NLGN4Y: variants seen among roughly 807,000 people sequenced by gnomAD.
NLGN4Y encodes the protein neuroligin 4 Y-linked.
NLGN4Y carries 4 observed loss-of-function variants against 8.4 expected under a neutral mutation model. That is an observed-to-expected ratio of 0.48 (90% CI 0.23 to 1.09). The LOEUF is 1.09. NLGN4Y is among the 50% of genes least tolerant of loss of function. The pLI is 0.19. For missense variants in NLGN4Y, 90 were observed against 192.3 expected, an observed-to-expected ratio of 0.47 and a Z score of 3.15; for synonymous variants, 35 against 75.6, an observed-to-expected ratio of 0.46 and a Z score of 2.78.
intron 2 of NLGN4Y, among the ~76,000 whole-genome samples, chrY:14,650,027 G>A (rs2080623895): frequency 3.0e-5 from 1 of 33,751 alleles, no homozygotes; most frequent in Admixed American, 2.7e-4. Flanking sequence ...AGAAGATAAT[G>A]ATAGGTTAGC....
At chrY:14,804,232 A>T (rs911196827) in intron 4 of NLGN4Y, among the ~76,000 whole-genome samples, 9 of 33,788 alleles carry the variant, frequency 2.7e-4, no homozygotes, top group Admixed American at 2.7e-4. Context: ...CTGTAATACC[A>T]TTCTTTCACA....
chrY:14,692,196 T>TA (rs2080812481), intron 2 of NLGN4Y, among the ~76,000 whole-genome samples: 4 of 33,276 alleles, frequency 1.2e-4, no homozygotes, highest in Non-Finnish European at 3.0e-4. Context: ...ATGTGACCCT[T>TA]ACATTTGCAA....
chrY:14,576,287 C>G, intron 1 of NLGN4Y, among the ~76,000 whole-genome samples: 2 of 33,480 alleles, frequency 6.0e-5, no homozygotes, highest in Non-Finnish European at 1.5e-4. Flanking sequence ...CCTGAGAAAG[C>G]GTGGGTACCC....
intron 4 of NLGN4Y, among the ~76,000 whole-genome samples, chrY:14,726,547 A>G: frequency 3.0e-5 from 1 of 33,584 alleles, no homozygotes; most frequent in South Asian, 6.7e-4. Flanking sequence ...TTCAACATAT[A>G]GATGGAAGAG....
intron 2 of NLGN4Y, among the ~76,000 whole-genome samples, chrY:14,648,947 G>A: frequency 3.4e-5 from 1 of 29,824 alleles, no homozygotes; most frequent in South Asian, 8.1e-4. Flanking sequence ...CCAGGCTTCA[G>A]TAAACTGTAA....
intron 4 of NLGN4Y, among the ~76,000 whole-genome samples, chrY:14,745,380 C>T (rs2081020837): frequency 3.0e-5 from 1 of 33,526 alleles, no homozygotes; most frequent in East Asian, 8.0e-4. Flanking sequence ...GCAAATAGAT[C>T]AGACTTTTTG....
intron 2 of NLGN4Y, among the ~76,000 whole-genome samples, chrY:14,646,272 GC>G (rs2080611065): frequency 6.0e-5 from 2 of 33,418 alleles, no homozygotes; most frequent in Non-Finnish European, 1.5e-4. Context: ...TACAATGAAT[GC>G]CCTTCTGTCG....
intron 4 of NLGN4Y, among the ~76,000 whole-genome samples, chrY:14,768,700 T>C (rs937013476): frequency 3.0e-5 from 1 of 32,879 alleles, no homozygotes; most frequent in East Asian, 7.9e-4. Flanking sequence ...ATTGTGAGTA[T>C]ATAGTATTAA....
chrY:14,758,262 G>C, intron 4 of NLGN4Y, among the ~76,000 whole-genome samples: 1 of 33,371 alleles, frequency 3.0e-5, no homozygotes, highest in African/African-American at 1.2e-4. Context: ...TTTGCAAATG[G>C]ATTAAGGGCA....
At chrY:14,760,507 G>A in intron 4 of NLGN4Y, among the ~76,000 whole-genome samples, 4 of 33,022 alleles carry the variant, frequency 1.2e-4, no homozygotes, top group Non-Finnish European at 2.2e-4. Flanking sequence ...TAATAGAAGA[G>A]CAATCTATGA....
chrY:14,550,045 G>A, intron 1 of NLGN4Y, among the ~76,000 whole-genome samples: 1 of 33,182 alleles, frequency 3.0e-5, no homozygotes. Flanking sequence ...CCTGGCGTGT[G>A]CGTGCTTCCT....
chrY:14,661,820 G>A, intron 2 of NLGN4Y, among the ~76,000 whole-genome samples: 3 of 33,288 alleles, frequency 9.0e-5, no homozygotes. Flanking sequence ...TTGAAGTCTG[G>A]ACAGAGCAGA....
chrY:14,568,341 T>C (rs996174697), intron 1 of NLGN4Y, among the ~76,000 whole-genome samples: 1 of 33,510 alleles, frequency 3.0e-5, no homozygotes, highest in South Asian at 6.8e-4. Context: ...GCAGAGTCAC[T>C]GCTTGTGTTC....
At chrY:14,670,289 G>T in intron 2 of NLGN4Y, among the ~76,000 whole-genome samples, 1 of 34,112 alleles carries the variant, frequency 2.9e-5, no homozygotes, top group African/African-American at 1.1e-4. Flanking sequence ...ACTTGTAAAT[G>T]AGTCTATCAA....
At chrY:14,586,243 C>T (rs749549665) in intron 1 of NLGN4Y, among the ~76,000 whole-genome samples, 3 of 33,384 alleles carry the variant, frequency 9.0e-5, no homozygotes, top group African/African-American at 3.5e-4. Flanking sequence ...CCTTGCAAGG[C>T]CCTCATCTTG....
chrY:14,680,124 T>G (rs2080763325), intron 2 of NLGN4Y, among the ~76,000 whole-genome samples: 1 of 33,166 alleles, frequency 3.0e-5, no homozygotes, highest in Non-Finnish European at 7.4e-5. Flanking sequence ...TGTGTAGTCC[T>G]TTTTTCCTTT....
intron 4 of NLGN4Y, among the ~76,000 whole-genome samples, chrY:14,768,766 G>A: frequency 6.0e-5 from 2 of 33,138 alleles, no homozygotes; most frequent in Non-Finnish European, 1.5e-4. Flanking sequence ...TATTTTCTTC[G>A]TCAATCTCCA....
intron 4 of NLGN4Y, among the ~76,000 whole-genome samples, chrY:14,734,477 C>T (rs989796864): frequency 2.1e-4 from 7 of 33,504 alleles, no homozygotes; most frequent in Non-Finnish European, 5.2e-4. Context: ...TGCCTCTGTC[C>T]CTATCAATTT....
intron 4 of NLGN4Y, among the ~76,000 whole-genome samples, chrY:14,756,866 CATATATATATATATATATAT>C (rs145217639): frequency 9.2e-4 from 2 of 2,175 alleles, no homozygotes; most frequent in African/African-American, 4.9e-3. Flanking sequence ...ATATTTTATA[CATATATATATATATATATAT>C]ATATATATAT....
Sources: allele counts gnomAD v4.1 joint callset (sites outside exome capture counted in the v4.1 genomes callset), GRCh38; gene constraint gnomAD v4.1.1; transcripts MANE v1.5; gene names NCBI Gene and HGNC (gene_info 2026-07-23, HGNC 2026-07-21).